The following RECQL variants were observed in gnomAD, a reference collection of about 807,000 sequenced individuals.
RECQL encodes RecQ like helicase, also known as ATP-dependent DNA helicase Q1.
RECQL carries 73 observed loss-of-function variants against 75.8 expected under a neutral mutation model. The ratio of observed to expected loss-of-function variants is 0.96; its 90% CI spans 0.80 to 1.17. The LOEUF is 1.17. Among genes scored for constraint, RECQL ranks in the 50% most tolerant of loss-of-function variants. The pLI is 0.00. For synonymous variants in RECQL, 248 were observed against 254.4 expected (o/e 0.97, Z 0.24); for missense variants, 699 against 772.1 (o/e 0.91, Z 1.12).
intron 6 of RECQL, among the ~76,000 whole-genome samples, chr12:21,482,492 A>T (rs1319093309): frequency 6.6e-6 from 1 of 152,134 alleles, no homozygotes; most frequent in Non-Finnish European, 1.5e-5. Context: ...GAGTTATGCA[A>T]TTTTTGTTTT....
chr12:21,498,393 T>C (rs142853891), intron 2 of RECQL, among the ~76,000 whole-genome samples: 1 of 152,244 alleles, frequency 6.6e-6, no homozygotes, highest in African/African-American at 2.4e-5. Flanking sequence ...AGTGATCCGC[T>C]AGTGAAATTT....
At chr12:21,476,586 T>G (rs563469833) in intron 8 of RECQL, among the ~76,000 whole-genome samples, 21 of 152,234 alleles carry the variant, frequency 1.4e-4, no homozygotes, top group African/African-American at 5.1e-4. Context: ...ATCAGTTGCT[T>G]AATCCACTAT....
chr12:21,477,859 T>A lies in RECQL; in HGVS notation c.811A>T (p.Ile271Phe). ...GCTGTAAAAGTAAAACACTTTTCAA[T>A]GCACAAAATTTTCTGAGCATCCGTC... ...VLTDAQKILCIEKCFTFTASF... is the reference protein window; with the variant it reads ...VLTDAQKILCFEKCFTFTASF... The change falls in exon 7 of 15, where the codon ATT becomes TTT. Residue 271 changes from isoleucine to phenylalanine, a missense_variant. Physicochemically the swap from Ile to Phe is conservative, Grantham distance 21. Around this residue, in one of 2 missense-constraint regions of RECQL, gnomAD observed 669 missense variants for 713.5 expected, o/e 0.94. Transcript: ENST00000444129. 1.2e-6 allele frequency: 2 copies of A among 1,613,926 alleles called. No individual in the cohort carries two copies. Among genetic ancestry groups the A allele is most frequent in the Non-Finnish European group, 1.7e-6 (2 of 1,179,914 alleles).
chr12:21,479,505 G>A (rs1860946), intron 6 of RECQL, among the ~76,000 whole-genome samples: 151,133 of 152,094 alleles, frequency 0.99, 75,102 homozygotes, highest in East Asian at 1. Context: ...GGCATACACC[G>A]CCACACCTGG....
intron 3 of RECQL, 99 bp from the exon 4 acceptor site, chr12:21,490,477 A>T: frequency 1.4e-6 from 1 of 698,654 alleles, no homozygotes; most frequent in Non-Finnish European, 2.3e-6. Context: ...ATACTTATAG[A>T]CCATTAAACT....
At chr12:21,494,989 A>G (rs1271650850) in intron 2 of RECQL, among the ~76,000 whole-genome samples, 3 of 152,228 alleles carry the variant, frequency 2.0e-5, no homozygotes, top group Admixed American at 6.5e-5. Flanking sequence ...GGCAGCAATC[A>G]GAATGGTCTG....
chr12:21,497,338 C>G (rs1035405565), intron 2 of RECQL, among the ~76,000 whole-genome samples: 4 of 152,158 alleles, frequency 2.6e-5, no homozygotes, highest in Non-Finnish European at 4.4e-5. Flanking sequence ...AAATGCAGAC[C>G]TAATTTACAA....
At chr12:21,482,563 A>C (rs895957368) in intron 6 of RECQL, among the ~76,000 whole-genome samples, 2 of 152,228 alleles carry the variant, frequency 1.3e-5, no homozygotes, top group African/African-American at 4.8e-5. Context: ...AGATGAATCC[A>C]GCATCTCAGG....
At chr12:21,478,216 AC>A (rs1943123399) in intron 6 of RECQL, among the ~76,000 whole-genome samples, 1 of 152,186 alleles carries the variant, frequency 6.6e-6, no homozygotes, top group Admixed American at 6.5e-5. Context: ...TTAATTTATT[AC>A]AACTAACAAA....
chr12:21,499,487 C>G (rs1943566143), intron 2 of RECQL, 68 bp downstream of exon 2: 3 of 1,387,552 alleles, frequency 2.2e-6, no homozygotes, highest in Non-Finnish European at 2.9e-6. Flanking sequence ...TTAAAACAAA[C>G]TTTTTCAAAT....
Position 21,486,656 on chromosome 12 carries a change from CGTTTTT to C in RECQL, c.395-77_395-72del, listed in dbSNP as rs1190096355. ...CTCAGAATCAGATGCAAACCATTCA[CGTTTTT>C]TTTTTTTTTTTTTTTTTTTTTTTTT... On this transcript the variant is annotated intron_variant, in intron 4 of 14. Transcript: ENST00000444129. 1,095 of 160,156 alleles carry C rather than the reference CGTTTTT, an allele frequency of 6.8e-3. 47 individuals are homozygous for C. Among genetic ancestry groups the C allele is most frequent in the Middle Eastern group, 9.7e-3 (4 of 412 alleles). The allele number at this position is 160,156 out of a possible 1,614,324, so 9.9% of individuals were successfully genotyped here.
Position 21,475,469 on chromosome 12 carries a change from T to G in RECQL, c.1215A>C (p.Ala405=), listed in dbSNP as rs147610182. The change falls in exon 10 of 15, where the codon GCA becomes GCC. Residue 405 remains alanine (A), a splice_region_variant and synonymous_variant. Coordinates refer to ENST00000444129, the MANE Select transcript of RECQL (RefSeq NM_002907.4). ...CTTCTGGATTTGAGTCCTACATACC[T>G]GCACGTCCACTCTCTTGGTAATAAT... is the stretch of plus-strand genomic sequence containing the variant. The part of the protein sequence containing the change: ...MENYYQESGR[A]GRDDMKADCI... 254 of 1,594,306 alleles carry G rather than the reference T, an allele frequency of 1.6e-4. 2 individuals are homozygous for G. In the African/African-American group the frequency reaches 3.2e-3, roughly 20 times the overall value.
chr12:21,487,756 A>G (rs1330460773), intron 4 of RECQL, among the ~76,000 whole-genome samples: 1 of 152,196 alleles, frequency 6.6e-6, no homozygotes, highest in Non-Finnish European at 1.5e-5. Context: ...CTCTGCTTTC[A>G]TAAGTGGGAT....
chr12:21,491,468 T>C (rs1943410530), intron 3 of RECQL, 51 bp downstream of exon 3: 1 of 1,488,450 alleles, frequency 6.7e-7, no homozygotes. Flanking sequence ...TCTAGTTTTT[T>C]AAAATATGAG....
At chr12:21,497,733 C>A (rs1160396967) in intron 2 of RECQL, among the ~76,000 whole-genome samples, 1 of 152,186 alleles carries the variant, frequency 6.6e-6, no homozygotes, top group Non-Finnish European at 1.5e-5. Context: ...TGGACATTGA[C>A]CACACTTGTC....
rs756524934 is a variant in RECQL at position 21,483,466 on chromosome 12, G to T, written c.610C>A (p.Leu204Ile). 36 of 1,600,564 alleles carry T rather than the reference G, an allele frequency of 2.2e-5. No individual in the cohort carries two copies. The highest frequency in any genetic ancestry group is 3.0e-5 in the Non-Finnish European group (35 of 1,176,446). ...CTCCTTGCTTCATAGGCTTTCTCTAGTCTTGACATAAACATTTTGCTTTTT... is the reference window on the plus strand; with the variant it reads ...CTCCTTGCTTCATAGGCTTTCTCTATTCTTGACATAAACATTTTGCTTTTT... ...IAKSKMFMSR[L>I]EKAYEARRFT... The change falls in exon 6 of 15, where the codon CTA becomes ATA. Residue 204 changes from leucine (L) to isoleucine (I), a missense_variant. Leu to Ile is a conservative substitution (Grantham distance 5). Around this residue, in one of 2 missense-constraint regions of RECQL, gnomAD observed 669 missense variants for 713.5 expected, o/e 0.94. Transcript: ENST00000444129.
intron 4 of RECQL, 55 bp from the exon 5 acceptor site, chr12:21,486,640 A>C: frequency 1.5e-6 from 1 of 655,280 alleles, no homozygotes; most frequent in Non-Finnish European, 2.5e-6. Context: ...CCTCAGAATC[A>C]GATGCAAACC....
At chr12:21,472,471 G>C (rs117445417) in intron 12 of RECQL, among the ~76,000 whole-genome samples, 2 of 152,018 alleles carry the variant, frequency 1.3e-5, no homozygotes, top group South Asian at 2.1e-4. Flanking sequence ...CTCACTAGCG[G>C]TATTTATAGC....
At chr12:21,487,393 T>C (rs1943326246) in intron 4 of RECQL, among the ~76,000 whole-genome samples, 3 of 152,204 alleles carry the variant, frequency 2.0e-5, no homozygotes, top group Admixed American at 2.0e-4. Flanking sequence ...TAGAAATCAG[T>C]GAACAGTTTA....
Sources: allele counts gnomAD v4.1 joint callset (sites outside exome capture counted in the v4.1 genomes callset), GRCh38; gene constraint gnomAD v4.1.1; regional missense constraint gnomAD v4.1.1; transcripts MANE v1.5; gene names NCBI Gene and HGNC (gene_info 2026-07-23, HGNC 2026-07-21).